FGD6: variants seen among roughly 807,000 people sequenced by gnomAD.
FGD6 encodes the protein FYVE, RhoGEF and PH domain-containing protein 6.
In FGD6, 90 loss-of-function variants were observed where a neutral mutation model predicts 149.4. The observed-to-expected ratio is 0.60, with a 90% CI of 0.51 to 0.72. FGD6 has a LOEUF of 0.72. FGD6 is among the 30% of genes least tolerant of loss of function. The pLI is 0.00. For synonymous variants in FGD6, 527 were observed against 584.0 expected, an observed-to-expected ratio of 0.90 and a Z score of 1.41; for missense variants, 1,437 against 1,684.8, an observed-to-expected ratio of 0.85 and a Z score of 2.57.
chr12:95,134,936 A>ACGAATCTCC, intron 7 of FGD6, 110 bp from the exon 8 acceptor site: 1 of 752,650 alleles, frequency 1.3e-6, no homozygotes, highest in Non-Finnish European at 2.2e-6. Context: ...CTGGAAGGAG[A>ACGAATCTCC]TTCGTAGAGA....
intron 3 of FGD6, among the ~76,000 whole-genome samples, chr12:95,166,083 C>T (rs1180720439): frequency 6.6e-6 from 1 of 151,760 alleles, no homozygotes; most frequent in Admixed American, 6.6e-5. Flanking sequence ...TGCCCCACCA[C>T]ACCTGGCTAA....
intron 14 of FGD6, among the ~76,000 whole-genome samples, chr12:95,097,003 G>A (rs1248326163): frequency 6.6e-6 from 1 of 152,164 alleles, no homozygotes; most frequent in East Asian, 1.9e-4. Context: ...TGGAGCCCGG[G>A]GAGCATGTGG....
At chr12:95,091,582 A>C in intron 17 of FGD6, 125 bp downstream of exon 17, 12 of 590,016 alleles carry the variant, frequency 2.0e-5, no homozygotes, top group East Asian at 3.0e-5. Flanking sequence ...AAAGCTTACT[A>C]CAAATTTGGA....
At chr12:95,167,439 C>T (rs1005162172) in intron 3 of FGD6, among the ~76,000 whole-genome samples, 4 of 152,138 alleles carry the variant, frequency 2.6e-5, no homozygotes, top group African/African-American at 4.8e-5. Context: ...GCAGTGGTAC[C>T]TCACTGAAGC....
At chr12:95,167,540 T>G (rs1880856361) in intron 3 of FGD6, among the ~76,000 whole-genome samples, 1 of 151,806 alleles carries the variant, frequency 6.6e-6, no homozygotes, top group South Asian at 2.1e-4. Context: ...CTATTCAGAT[T>G]CTTAAGCCTG....
chr12:95,116,979 A>G lies in FGD6; in HGVS notation c.3083-3278T>C. The G allele has an allele frequency of 6.6e-6, 3 of 452,718 alleles. No individual in the cohort carries two copies. The Admixed American group carries it at 7.2e-5, about 11-fold the overall frequency. The allele number at this position is 452,718 out of a possible 1,614,324, so 28.0% of individuals were successfully genotyped here. A position where few individuals can be genotyped will look rare whatever the true frequency, so the allele number is the denominator to read the frequency against. ...CAGTAGCTGCCCCAGTAACTGTTAT[A>G]ACCCAGGTGAAACCCAGGAAAGGAG... On this transcript the variant is annotated intron_variant, in intron 8 of 20. Transcript: ENST00000343958.
chr12:95,169,541 G>A (rs1880927054), intron 3 of FGD6, among the ~76,000 whole-genome samples: 2 of 152,162 alleles, frequency 1.3e-5, no homozygotes, highest in African/African-American at 4.8e-5. Context: ...CACAGAATGA[G>A]TGAGTCAACC....
intron 2 of FGD6, among the ~76,000 whole-genome samples, chr12:95,182,835 G>C (rs1881323503): frequency 6.6e-6 from 1 of 152,230 alleles, no homozygotes; most frequent in African/African-American, 2.4e-5. Flanking sequence ...CTACTCGAGA[G>C]GGGCAAGACT....
At position 95,079,401 on chromosome 12, in the gene FGD6, TTAGAAGA is replaced by T. The variant is rs1877597789; in HGVS notation, c.*2112_*2118del. The T allele has an allele frequency of 6.6e-6, 1 of 152,236 alleles. No homozygotes were observed. The highest frequency in any genetic ancestry group is 6.5e-5 in the Admixed American group (1 of 15,290). The allele number at this position is 152,236 out of a possible 1,614,324, so 9.4% of individuals were successfully genotyped here. A position where few individuals can be genotyped will look rare whatever the true frequency, so the allele number is the denominator to read the frequency against. ...AACTGGCTCATGATTCAGCCAGGTC[TTAGAAGA>T]TAGAATAGCCTGGCTGATATTTTTT... On this transcript the variant is annotated 3_prime_UTR_variant, in exon 21 of 21. Coordinates refer to ENST00000343958, the MANE Select transcript of FGD6 (RefSeq NM_018351.4).
At chr12:95,186,575 C>G (rs1881444252) in intron 2 of FGD6, among the ~76,000 whole-genome samples, 1 of 149,718 alleles carries the variant, frequency 6.7e-6, no homozygotes. Context: ...ATTTTCATGT[C>G]CATAATGAAG....
intron 6 of FGD6, among the ~76,000 whole-genome samples, chr12:95,139,105 A>G (rs1346000363): frequency 1.3e-5 from 2 of 152,208 alleles, no homozygotes; most frequent in Non-Finnish European, 2.9e-5. Context: ...ACACCAAAGA[A>G]TATGTATTGA....
intron 2 of FGD6, among the ~76,000 whole-genome samples, chr12:95,180,344 G>A (rs1247436899): frequency 1.3e-5 from 2 of 151,388 alleles, no homozygotes; most frequent in African/African-American, 4.9e-5. Context: ...GTTGCCTCTG[G>A]GACTAAAGTC....
At chr12:95,193,530 G>GTTTTT (rs754634855) in intron 2 of FGD6, among the ~76,000 whole-genome samples, 1 of 129,188 alleles carries the variant, frequency 7.7e-6, no homozygotes, top group Non-Finnish European at 1.6e-5. Context: ...GTTAATTCTT[G>GTTTTT]TTTTTTTTTT....
chr12:95,101,483 G>T (rs7139441), intron 14 of FGD6, among the ~76,000 whole-genome samples: 111,080 of 152,016 alleles, frequency 0.73, 40,774 homozygotes, highest in African/African-American at 0.77. Context: ...TTTCTTGAAT[G>T]ATTTAATCTT....
chr12:95,085,213 C>CTTTT (rs34135341), intron 19 of FGD6, among the ~76,000 whole-genome samples: 16 of 118,090 alleles, frequency 1.4e-4, no homozygotes, highest in African/African-American at 1.5e-4. Context: ...ACAGCTCTGC[C>CTTTT]TTTTTTTTTT....
chr12:95,208,827 G>A lies in FGD6; in HGVS notation c.2441+16C>T. Reference sequence around the variant, plus strand: ...TGCAATGATGCATGCAAAAGTGTCTGTCTGGCACCTGTTACCTGGAATGCT... The same window carrying A: ...TGCAATGATGCATGCAAAAGTGTCTATCTGGCACCTGTTACCTGGAATGCT... On this transcript the variant is annotated intron_variant, in intron 2 of 20. Transcript: ENST00000343958. The A allele has an allele frequency of 6.2e-7, 1 of 1,603,472 alleles. No individual in the cohort carries two copies. The highest frequency in any genetic ancestry group is 8.5e-7 in the Non-Finnish European group (1 of 1,174,260).
In FGD6 at chr12:95,209,452, AC is replaced by A; in HGVS notation, c.1831del (p.Val611TrpfsTer23). ...PRAKSLSAMD[V>X]EKCTKPCKDS... Reference sequence around the variant, plus strand: ...TTTGCAAGGCTTAGTGCACTTTTCCACATCCATAGCAGATAACGATTTTGCT... The same window carrying A: ...TTTGCAAGGCTTAGTGCACTTTTCCAATCCATAGCAGATAACGATTTTGCT... On this transcript the variant is annotated frameshift_variant, in exon 2 of 21. Transcript: ENST00000343958. LOFTEE classifies it high-confidence loss of function. 6.2e-7 allele frequency: 1 copy of A among 1,612,206 alleles called. No individual in the cohort carries two copies. The highest frequency in any genetic ancestry group is 8.5e-7 in the Non-Finnish European group (1 of 1,179,078).
chr12:95,186,095 T>C (rs1441396444), intron 2 of FGD6, among the ~76,000 whole-genome samples: 2 of 152,000 alleles, frequency 1.3e-5, no homozygotes, highest in African/African-American at 2.4e-5. Flanking sequence ...CTTTCTTGCA[T>C]GAATGTATTA....
intron 1 of FGD6, among the ~76,000 whole-genome samples, chr12:95,215,244 A>G (rs1160111864): frequency 1.3e-5 from 2 of 152,234 alleles, no homozygotes; most frequent in Non-Finnish European, 2.9e-5. Context: ...AAACAAAGCA[A>G]GCTTTTCTGC....
Sources: allele counts gnomAD v4.1 joint callset (sites outside exome capture counted in the v4.1 genomes callset), GRCh38; gene constraint gnomAD v4.1.1; transcripts MANE v1.5; gene names NCBI Gene and HGNC (gene_info 2026-07-23, HGNC 2026-07-21).